MIB1: variants seen among roughly 807,000 people sequenced by gnomAD.
MIB1 encodes the protein E3 ubiquitin-protein ligase MIB1.
Under a neutral mutation model 124.5 loss-of-function variants are expected in MIB1, and 278 were observed. The ratio of observed to expected loss-of-function variants is 2.23; its 90% CI spans 2.02 to 2.47. The LOEUF is 2.47. Ranked by LOEUF, MIB1 falls within the 30% of genes most tolerant of loss-of-function variation. The probability of loss-of-function intolerance (pLI) is 0.00; values close to 1 mark genes in which losing one functional copy is unlikely to be tolerated. For missense variants in MIB1, 957 were observed against 1,254.4 expected, an observed-to-expected ratio of 0.76 and a Z score of 3.58; for synonymous variants, 446 against 429.4, an observed-to-expected ratio of 1.04 and a Z score of -0.48.
chr18:21,832,360 A>G (rs1316882063), intron 12 of MIB1, among the ~76,000 whole-genome samples: 1 of 152,206 alleles, frequency 6.6e-6, no homozygotes, highest in Non-Finnish European at 1.5e-5. Context: ...ACAGATTGAA[A>G]TAGTCATTAA....
At chr18:21,859,979 A>G (rs528009225) in intron 20 of MIB1, among the ~76,000 whole-genome samples, 3 of 151,186 alleles carry the variant, frequency 2.0e-5, no homozygotes, top group Admixed American at 6.6e-5. Flanking sequence ...AAAATTCACA[A>G]TAGTAGTCAT....
intron 17 of MIB1, among the ~76,000 whole-genome samples, chr18:21,852,306 AG>A (rs2042187172): frequency 6.6e-6 from 1 of 152,210 alleles, no homozygotes; most frequent in Admixed American, 6.5e-5. Flanking sequence ...ATAGAGAGAA[AG>A]AGAGAGAGCA....
chr18:21,794,668 G>A (rs1236276342), intron 7 of MIB1, among the ~76,000 whole-genome samples: 1 of 152,072 alleles, frequency 6.6e-6, no homozygotes, highest in African/African-American at 2.4e-5. Flanking sequence ...TAAAATAACT[G>A]AATCTTCAAG....
At position 21,870,125 on chromosome 18, in the gene MIB1, AG is replaced by A. The variant is rs944724588; in HGVS notation, c.*5460del. On this transcript the variant is annotated 3_prime_UTR_variant, in exon 21 of 21. Coordinates refer to ENST00000261537, the MANE Select transcript of MIB1 (RefSeq NM_020774.4). Reference sequence around the variant, plus strand: ...GCTTAGTAAGAGCTAAGCTTTTAAAAGTAATGCAAACATTTATCGTTAATAA... The same window carrying A: ...GCTTAGTAAGAGCTAAGCTTTTAAAATAATGCAAACATTTATCGTTAATAA... The A allele has an allele frequency of 1.3e-5, 2 of 152,592 alleles. No homozygotes were observed. Among genetic ancestry groups the A allele is most frequent in the African/African-American group, 4.8e-5 (2 of 41,464 alleles). 9.5% of individuals were successfully genotyped at this position (152,592 alleles called of 1,614,324 possible). A position where few individuals can be genotyped will look rare whatever the true frequency, so the allele number is the denominator to read the frequency against.
intron 1 of MIB1, among the ~76,000 whole-genome samples, chr18:21,716,426 C>T (rs1386904206): frequency 6.6e-6 from 1 of 152,126 alleles, no homozygotes; most frequent in Non-Finnish European, 1.5e-5. Flanking sequence ...AAGCATAAAT[C>T]TTACAGGACC....
At chr18:21,726,390 TG>T (rs1173872974) in intron 1 of MIB1, among the ~76,000 whole-genome samples, 1 of 151,776 alleles carries the variant, frequency 6.6e-6, no homozygotes, top group Non-Finnish European at 1.5e-5. Flanking sequence ...CCATCTCTAT[TG>T]AAAAAAAAAT....
At chr18:21,717,097 A>T (rs1173547868) in intron 1 of MIB1, among the ~76,000 whole-genome samples, 1 of 152,196 alleles carries the variant, frequency 6.6e-6, no homozygotes, top group Non-Finnish European at 1.5e-5. Flanking sequence ...CCAGAAATAA[A>T]CCCAAATACT....
chr18:21,779,799 A>G (rs2041337299), intron 6 of MIB1, 114 bp downstream of exon 6: 3 of 812,972 alleles, frequency 3.7e-6, no homozygotes, highest in Admixed American at 2.2e-5. Flanking sequence ...TAGCTTTTAG[A>G]TGGTAAGTAA....
intron 1 of MIB1, among the ~76,000 whole-genome samples, chr18:21,743,352 A>G (rs2040877339): frequency 6.6e-6 from 1 of 152,230 alleles, no homozygotes; most frequent in African/African-American, 2.4e-5. Flanking sequence ...ATGGCTGCAT[A>G]GTATTCCAGT....
In MIB1 at chr18:21,762,933, A is replaced by C. The variant is rs183781719; in HGVS notation, c.230-2839A>C. Among the ~76,000 whole-genome samples, 92 of 152,276 alleles carry C rather than the reference A, an allele frequency of 6.0e-4. 1 individual carries two copies. In the Middle Eastern group the frequency reaches 0.014, roughly 23 times the overall value. On this transcript the variant is annotated intron_variant, in intron 1 of 20. Transcript: ENST00000261537. ...TCTGGGATAGGTGATGATTCTGATT[A>C]TGATATTATTTAAATAGATGACTAG...
At position 21,864,582 on chromosome 18, in the gene MIB1, C is replaced by G. The variant is rs988831049; in HGVS notation, c.2937C>G (p.His979Gln). The change falls in exon 21 of 21, where the codon CAC becomes CAG. Residue 979 changes from histidine to glutamine, a missense_variant. His to Gln is a conservative substitution (Grantham distance 24). Coordinates refer to ENST00000261537, the MANE Select transcript of MIB1 (RefSeq NM_020774.4). ...RLKNMIFLCG[H>Q]GTCQLCGDRM... is the part of the protein sequence containing the mutation. ...AGAATATGATTTTCCTTTGTGGTCA[C>G]GGAACCTGTCAACTCTGTGGAGACC... The G allele has an allele frequency of 6.2e-7, 1 of 1,613,512 alleles. No individual in the cohort carries two copies. Among genetic ancestry groups the G allele is most frequent in the Admixed American group, 1.7e-5 (1 of 60,018 alleles).
intron 1 of MIB1, among the ~76,000 whole-genome samples, chr18:21,760,416 GT>G (rs1568190006): frequency 6.6e-6 from 1 of 152,108 alleles, no homozygotes; most frequent in African/African-American, 2.4e-5. Context: ...AAATTCTGTA[GT>G]GCTCATTTTG....
In MIB1 at chr18:21,849,312, T is replaced by C. The variant is rs749323708; in HGVS notation, c.2510T>C (p.Ile837Thr). 2.5e-6 allele frequency: 4 copies of C among 1,613,386 alleles called. No individual in the cohort carries two copies. The highest frequency in any genetic ancestry group is 1.1e-5 in the South Asian group (1 of 91,036). ...RDTLFGPCGH[I>T]ATCSLCSPRV... ...ACTCTTTTTGGTCCATGTGGACATATTGCTACCTGTTCTTTATGTTCTCCA... is the reference window on the plus strand; with the variant it reads ...ACTCTTTTTGGTCCATGTGGACATACTGCTACCTGTTCTTTATGTTCTCCA... Residue 837 changes from isoleucine to threonine, a missense_variant, in exon 17 of 21, where the codon ATT becomes ACT. Ile to Thr is a moderately conservative substitution (Grantham distance 89, BLOSUM62 -1). Coordinates refer to ENST00000261537, the MANE Select transcript of MIB1 (RefSeq NM_020774.4).
rs1260701135 is a variant in MIB1 at position 21,791,414 on chromosome 18, G to A, written c.949G>A (p.Val317Ile). 1.9e-6 allele frequency: 3 copies of A among 1,613,634 alleles called. No homozygotes were observed. The highest frequency in any genetic ancestry group is 1.7e-5 in the Admixed American group (1 of 59,958). ...NPAVLTKANI[V>I]RSGDAAQGAE... is the part of the protein sequence containing the mutation. ...TGCTGTTCTCACTAAAGCGAACATTGTCCGAAGTGGAGATGCTGCTCAGGG... is the reference window on the plus strand; with the variant it reads ...TGCTGTTCTCACTAAAGCGAACATTATCCGAAGTGGAGATGCTGCTCAGGG... Residue 317 changes from valine to isoleucine, a missense_variant, in exon 7 of 21, where the codon GTC becomes ATC. Val to Ile is a conservative substitution (Grantham distance 29). Coordinates refer to ENST00000261537, the MANE Select transcript of MIB1 (RefSeq NM_020774.4).
chr18:21,774,988 C>T (rs1257274713), intron 4 of MIB1, among the ~76,000 whole-genome samples: 3 of 151,288 alleles, frequency 2.0e-5, no homozygotes, highest in African/African-American at 7.3e-5. Context: ...CTGTGTCGCC[C>T]AGGCTGGAGC....
rs1350487960 is a variant in MIB1, at chr18:21,741,342, C to G, written c.-242C>G. The G allele has an allele frequency of 1.7e-5, 3 of 181,290 alleles. No individual in the cohort carries two copies. The East Asian group carries it at 4.6e-4, about 28-fold the overall frequency. The allele number at this position is 181,290 out of a possible 1,614,324, so 11.2% of individuals were successfully genotyped here. A position where few individuals can be genotyped will look rare whatever the true frequency, so the allele number is the denominator to read the frequency against. On this transcript the variant is annotated 5_prime_UTR_variant, in exon 1 of 21. Coordinates refer to ENST00000261537, the MANE Select transcript of MIB1 (RefSeq NM_020774.4). The surrounding 1 kb of genome is among the most constrained non-coding windows in gnomAD (Gnocchi z 5.4). ...CTCTGCCCGCTCTCCGCCGCCGCCT[C>G]CGAGCAGCCGCGGGCCGCCCTCCAC...
chr18:21,799,621 T>C (rs1486920537), intron 8 of MIB1, among the ~76,000 whole-genome samples: 1 of 152,078 alleles, frequency 6.6e-6, no homozygotes, highest in Admixed American at 6.6e-5. Flanking sequence ...AAAATTATAA[T>C]TTGATATACA....
chr18:21,747,229 G>T (rs1273159842), intron 1 of MIB1, among the ~76,000 whole-genome samples: 1 of 152,176 alleles, frequency 6.6e-6, no homozygotes, highest in Non-Finnish European at 1.5e-5. Context: ...CTAAAACAAT[G>T]TTGTAAATTA....
In MIB1 at chr18:21,815,938, G is replaced by C. The variant is rs138450470; in HGVS notation, c.1677+125G>C. On this transcript the variant is annotated intron_variant, in intron 11 of 20. Transcript: ENST00000261537. Reference sequence around the variant, plus strand: ...TATGTCATAGTAAATGATACCAAAGGCGTAAGATGTTACAAAATTGGCAGC... The same window carrying C: ...TATGTCATAGTAAATGATACCAAAGCCGTAAGATGTTACAAAATTGGCAGC... The C allele has an allele frequency of 5.9e-6, 5 of 845,924 alleles. No homozygotes were observed. The African/African-American group carries it at 8.7e-5, about 15-fold the overall frequency. 52.4% of individuals were successfully genotyped at this position (845,924 alleles called of 1,614,324 possible).
Sources: allele counts gnomAD v4.1 joint callset (sites outside exome capture counted in the v4.1 genomes callset), GRCh38; gene constraint gnomAD v4.1.1; non-coding constraint Gnocchi (gnomAD v3.1); transcripts MANE v1.5; gene names NCBI Gene and HGNC (gene_info 2026-07-23, HGNC 2026-07-21).